The following URB2 variants were observed in gnomAD, a reference collection of about 807,000 sequenced individuals.
URB2 encodes URB2 ribosome biogenesis homolog, also known as unhealthy ribosome biogenesis protein 2 homolog.
A neutral mutation model predicts 120.9 loss-of-function variants in URB2; 86 were observed. The observed-to-expected ratio is 0.71, with a 90% confidence interval of 0.60 to 0.85. The LOEUF (loss-of-function observed/expected upper bound fraction) is 0.85, where lower values mean the gene tolerates loss of function less well. URB2 is among the 40% of genes least tolerant of loss of function. The pLI, the probability that URB2 is intolerant of heterozygous loss-of-function variation, is 0.00. For missense variants in URB2, 1,765 were observed against 1,836.5 expected (o/e 0.96, Z 0.71); for synonymous variants, 755 against 758.4 (o/e 1.00, Z 0.07).
Position 229,635,413 on chromosome 1 carries a change from A to G in URB2, c.800A>G (p.Lys267Arg). 1 of 1,614,034 alleles carries G rather than the reference A, an allele frequency of 6.2e-7. No homozygotes were observed. Among genetic ancestry groups the G allele is most frequent in the Non-Finnish European group, 8.5e-7 (1 of 1,179,974 alleles). Residue 267 changes from lysine (K) to arginine (R), a missense_variant, in exon 4 of 10, where the codon AAG becomes AGG. Physicochemically the swap from Lys to Arg is conservative, Grantham distance 26. Transcript: ENST00000258243. ...TTGGACCAGCAGCAAGGGGATGTGA[A>G]GACGGGAGCCATGAAGAACCTTCTG... The part of the protein sequence containing the change: ...GLLDQQQGDV[K>R]TGAMKNLLAP...
chr1:229,654,563 G>A (rs547096576), intron 9 of URB2, among the ~76,000 whole-genome samples, 175 bp downstream of exon 9: 7 of 152,158 alleles, frequency 4.6e-5, no homozygotes, highest in Non-Finnish European at 1.0e-4. Flanking sequence ...TGCGATGATA[G>A]CACACTACAG....
chr1:229,628,192 T>C (rs924847410), intron 2 of URB2, among the ~76,000 whole-genome samples: 171 of 144,264 alleles, frequency 1.2e-3, no homozygotes, highest in Non-Finnish European at 1.5e-3. Context: ...ATATATATAA[T>C]ATATATGTAT....
chr1:229,635,446 T>C lies in URB2; in HGVS notation c.833T>C (p.Met278Thr), dbSNP rs781011859. The change falls in exon 4 of 10, where the codon ATG becomes ACG. Residue 278 changes from methionine (M) to threonine (T), a missense_variant. Transcript: ENST00000258243. ...TGAMKNLLAP[M>T]DTVLNRLVDA... ...GCCATGAAGAACCTTCTGGCTCCCA[T>C]GGACACCGTGCTTAACAGGCTGGTT... is the stretch of plus-strand genomic sequence containing the variant. 1.2e-6 allele frequency: 2 copies of C among 1,613,600 alleles called. No homozygotes were observed. The highest frequency in any genetic ancestry group is 1.7e-6 in the Non-Finnish European group (2 of 1,179,716).
chr1:229,641,175 G>A (rs760247646), intron 4 of URB2, among the ~76,000 whole-genome samples: 1 of 151,938 alleles, frequency 6.6e-6, no homozygotes, highest in African/African-American at 2.4e-5. Context: ...ACCATGCCCG[G>A]CTAATTGTTG....
At chr1:229,638,878 C>T (rs1032798992) in intron 4 of URB2, among the ~76,000 whole-genome samples, 26 of 152,158 alleles carry the variant, frequency 1.7e-4, no homozygotes, top group African/African-American at 5.3e-4. Context: ...GAAATCTGCT[C>T]CTCTTCAGCT....
intron 4 of URB2, among the ~76,000 whole-genome samples, chr1:229,643,241 C>T (rs543736219): frequency 7.9e-5 from 12 of 152,212 alleles, no homozygotes; most frequent in Non-Finnish European, 1.5e-4. Flanking sequence ...AAGGGTCAAC[C>T]GCACAAAGCA....
rs781658425 is a variant in URB2, at chr1:229,647,560, C to G, written c.3957C>G (p.Val1319=). The change falls in exon 7 of 10, where the codon GTC becomes GTG. Residue 1319 remains valine, a synonymous_variant. Transcript: ENST00000258243. ...AGCAGCCTGTGTCCCTCACAGTGGTCGGGCCTGTCTTAGATGTCCTGGCTG... is the reference window on the plus strand; with the variant it reads ...AGCAGCCTGTGTCCCTCACAGTGGTGGGGCCTGTCTTAGATGTCCTGGCTG... ...SQEQPVSLTV[V]GPVLDVLAAL... 6 of 1,614,194 alleles carry G rather than the reference C, an allele frequency of 3.7e-6. No individual in the cohort carries two copies. The Admixed American group carries it at 5.0e-5, about 13-fold the overall frequency.
intron 3 of URB2, among the ~76,000 whole-genome samples, chr1:229,633,537 A>G (rs1007833734): frequency 6.6e-6 from 1 of 152,226 alleles, no homozygotes; most frequent in South Asian, 2.1e-4. Flanking sequence ...GTAATAGTGC[A>G]TTGACATTTA....
At chr1:229,649,871 C>T (rs1666227182) in intron 7 of URB2, among the ~76,000 whole-genome samples, 3 of 152,116 alleles carry the variant, frequency 2.0e-5, no homozygotes, top group Admixed American at 6.5e-5. Flanking sequence ...CAAAGAAAAG[C>T]TAGATGATTT....
At chr1:229,640,533 A>G (rs1194454177) in intron 4 of URB2, among the ~76,000 whole-genome samples, 1 of 152,048 alleles carries the variant, frequency 6.6e-6, no homozygotes, top group Non-Finnish European at 1.5e-5. Flanking sequence ...ACCCTCGTTA[A>G]TGTCACATTA....
intron 3 of URB2, among the ~76,000 whole-genome samples, chr1:229,633,195 G>A (rs1056320178): frequency 6.6e-6 from 1 of 150,558 alleles, no homozygotes; most frequent in African/African-American, 2.4e-5. Flanking sequence ...GGCTAGTAAC[G>A]GAGGGGAACG....
At chr1:229,640,516 G>A (rs1488056060) in intron 4 of URB2, among the ~76,000 whole-genome samples, 2 of 152,106 alleles carry the variant, frequency 1.3e-5, no homozygotes, top group Non-Finnish European at 2.9e-5. Flanking sequence ...GAAGTCAGCC[G>A]AATCTGACCC....
Position 229,636,607 on chromosome 1 carries a change from A to G in URB2, c.1994A>G (p.Gln665Arg). ...HWKKIEKFTA[Q>R]FSSLGTYCLE... ...AAGAAGATAGAGAAGTTTACAGCTC[A>G]GTTCAGCTCTCTTGGTACATATTGC... The change falls in exon 4 of 10, where the codon CAG (glutamine) becomes CGG (arginine). Residue 665 changes from glutamine to arginine, a missense_variant. Coordinates refer to ENST00000258243, the MANE Select transcript of URB2 (RefSeq NM_014777.4). The G allele has an allele frequency of 6.2e-7, 1 of 1,614,240 alleles. No individual in the cohort carries two copies. The highest frequency in any genetic ancestry group is 8.5e-7 in the Non-Finnish European group (1 of 1,180,038).
At chr1:229,627,139 G>A (rs1411985608) in intron 1 of URB2, among the ~76,000 whole-genome samples, 1 of 152,244 alleles carries the variant, frequency 6.6e-6, no homozygotes, top group African/African-American at 2.4e-5. Flanking sequence ...CTGAATAAAA[G>A]TGTTAGTGGA....
intron 7 of URB2, among the ~76,000 whole-genome samples, chr1:229,650,442 T>C (rs1223736720): frequency 6.6e-6 from 1 of 152,196 alleles, no homozygotes; most frequent in Non-Finnish European, 1.5e-5. Flanking sequence ...CATTTTCTTT[T>C]TTTTTTGAGA....
At chr1:229,633,010 G>T (rs1308808373) in intron 3 of URB2, among the ~76,000 whole-genome samples, 1 of 152,212 alleles carries the variant, frequency 6.6e-6, no homozygotes, top group East Asian at 1.9e-4. Context: ...ACTACTACTA[G>T]TGAGCACTTC....
At chr1:229,631,455 G>A (rs1430795608) in intron 2 of URB2, among the ~76,000 whole-genome samples, 1 of 152,126 alleles carries the variant, frequency 6.6e-6, no homozygotes, top group Non-Finnish European at 1.5e-5. Flanking sequence ...GCTTGGTTTT[G>A]GTCTATCTCA....
rs778574334 is a variant in URB2 at position 229,647,564 on chromosome 1, C to T, written c.3961C>T (p.Pro1321Ser). The T allele has an allele frequency of 6.2e-7, 1 of 1,614,190 alleles. No individual in the cohort carries two copies. The highest frequency in any genetic ancestry group is 1.1e-5 in the South Asian group (1 of 91,076). ...EQPVSLTVVG[P>S]VLDVLAALLR... is the part of the protein sequence containing the mutation. ...GCCTGTGTCCCTCACAGTGGTCGGGCCTGTCTTAGATGTCCTGGCTGCACT... is the reference window on the plus strand; with the variant it reads ...GCCTGTGTCCCTCACAGTGGTCGGGTCTGTCTTAGATGTCCTGGCTGCACT... The change falls in exon 7 of 10, where the codon CCT becomes TCT. Residue 1321 changes from proline (P) to serine (S), a missense_variant. Physicochemically the swap from Pro to Ser is moderately conservative, Grantham distance 74. Transcript: ENST00000258243.
rs1665880670 is a variant in URB2, at chr1:229,637,616, A to G, written c.3003A>G (p.Ile1001Met). Residue 1001 changes from isoleucine to methionine, a missense_variant, in exon 4 of 10, where the codon ATA becomes ATG. Coordinates refer to ENST00000258243, the MANE Select transcript of URB2 (RefSeq NM_014777.4). ...CTTGGCTGGAATTCCTCCAAGTGAT[A>G]GGGACGTTCTTAGAGGAGCTAATGC... Reference protein sequence around the residue: ...DPAWLEFLQVIGTFLEELMQM... With the variant: ...DPAWLEFLQVMGTFLEELMQM... The G allele has an allele frequency of 6.2e-7, 1 of 1,614,172 alleles. No homozygotes were observed. Among genetic ancestry groups the G allele is most frequent in the African/African-American group, 1.3e-5 (1 of 75,052 alleles).
Sources: gnomAD v4.1 joint callset for allele counts (sites outside exome capture counted in the v4.1 genomes callset) on GRCh38, gnomAD v4.1.1 for gene constraint, MANE v1.5 for transcripts, NCBI Gene and HGNC (gene_info 2026-07-23, HGNC 2026-07-21) for gene names.